Variants in VWC2L observed in about 807,000 individuals in gnomAD.
The protein encoded by VWC2L is von Willebrand factor C domain containing 2 like, also known as von Willebrand factor C domain-containing protein 2-like.
A neutral mutation model predicts 21.6 loss-of-function variants in VWC2L; 10 were observed. That is an observed-to-expected ratio of 0.46 (90% CI 0.29 to 0.78). VWC2L has a LOEUF of 0.78. Among genes scored for constraint, VWC2L ranks in the 30% least tolerant of loss-of-function variants. The pLI, the probability that VWC2L is intolerant of heterozygous loss-of-function variation, is 0.10. For synonymous variants in VWC2L, 96 were observed against 94.3 expected (o/e 1.02, Z -0.10); for missense variants, 209 against 277.1 (o/e 0.75, Z 1.74).
At chr2:214,572,503 G>A (rs1039090095) in intron 3 of VWC2L, among the ~76,000 whole-genome samples, 4 of 151,942 alleles carry the variant, frequency 2.6e-5, no homozygotes, top group South Asian at 4.2e-4. Flanking sequence ...CCCTTATTTC[G>A]ACCAAGACAA....
At chr2:214,570,250 A>T (rs1271997357) in intron 3 of VWC2L, among the ~76,000 whole-genome samples, 2 of 152,142 alleles carry the variant, frequency 1.3e-5, no homozygotes, top group African/African-American at 4.8e-5. Flanking sequence ...TATTTCTCAT[A>T]TTGTTCTTCC....
chr2:214,448,281 A>G (rs993506855), intron 3 of VWC2L, among the ~76,000 whole-genome samples: 1 of 152,220 alleles, frequency 6.6e-6, no homozygotes. Context: ...AAATGAATCC[A>G]CACACACCCA....
Position 214,470,916 on chromosome 2 carries a change from CAAAAAAAA to C in VWC2L, c.520+34178_520+34185del, listed in dbSNP as rs56041924. On this transcript the variant is annotated intron_variant, in intron 3 of 3. Transcript: ENST00000312504. ...TGGGCAACAGAGTGAAACTCCATCTCAAAAAAAAAAAAAAAAAAAAAAAAAAAGATAGG... is the reference window on the plus strand; with the variant it reads ...TGGGCAACAGAGTGAAACTCCATCTCAAAAAAAAAAAAAAAAAAAGATAGG... Among the ~76,000 whole-genome samples, 8 of 50,796 alleles carry C rather than the reference CAAAAAAAA, an allele frequency of 1.6e-4. No homozygotes were observed. In the East Asian group the frequency reaches 2.8e-3, roughly 18 times the overall value. The allele number at this position is 50,796 out of a possible 152,430, so 33.3% of individuals were successfully genotyped here. A position where few individuals can be genotyped will look rare whatever the true frequency, so the allele number is the denominator to read the frequency against.
At chr2:214,487,395 G>A (rs954134817) in intron 3 of VWC2L, among the ~76,000 whole-genome samples, 3 of 152,122 alleles carry the variant, frequency 2.0e-5, no homozygotes, top group Non-Finnish European at 2.9e-5. Context: ...CTACAGTGGT[G>A]AGCAAGACAT....
In VWC2L at chr2:214,521,691, G is replaced by T. The variant is rs139207686; in HGVS notation, c.521-53981G>T. Among the ~76,000 whole-genome samples the T allele has an allele frequency of 1.6e-3, 247 of 152,304 alleles. 1 individual carries two copies. The highest frequency in any genetic ancestry group is 5.8e-3 in the African/African-American group (239 of 41,560). The stretch of plus-strand genomic sequence containing the variant: ...TCACAATGACCAGGACTTGCCCAAA[G>T]GCAAGGGGTCACCAGCATCATTAAC... On this transcript the variant is annotated intron_variant, in intron 3 of 3. Coordinates refer to ENST00000312504, the MANE Select transcript of VWC2L (RefSeq NM_001080500.4).
chr2:214,464,800 A>C (rs1380998515), intron 3 of VWC2L, among the ~76,000 whole-genome samples: 1 of 152,018 alleles, frequency 6.6e-6, no homozygotes, highest in Non-Finnish European at 1.5e-5. Context: ...AAAACTTAGA[A>C]ATCTACTTGG....
chr2:214,503,249 A>G (rs1287704986), intron 3 of VWC2L, among the ~76,000 whole-genome samples: 3 of 152,202 alleles, frequency 2.0e-5, no homozygotes, highest in African/African-American at 7.2e-5. Flanking sequence ...TTTCTAAGTT[A>G]ACAAGTCCTC....
chr2:214,422,055 A>T (rs2126172468), intron 2 of VWC2L, among the ~76,000 whole-genome samples: 1 of 150,418 alleles, frequency 6.6e-6, no homozygotes, highest in East Asian at 2.0e-4. Flanking sequence ...ATGCCCGGCT[A>T]ATTTTTGTAT....
chr2:214,484,236 A>G (rs1168557474), intron 3 of VWC2L, among the ~76,000 whole-genome samples: 5 of 152,178 alleles, frequency 3.3e-5, no homozygotes, highest in African/African-American at 1.2e-4. Flanking sequence ...GTAAGGTCAC[A>G]TTTTGAGGTG....
At chr2:214,448,435 G>A (rs1452092007) in intron 3 of VWC2L, among the ~76,000 whole-genome samples, 3 of 152,166 alleles carry the variant, frequency 2.0e-5, no homozygotes, top group Non-Finnish European at 4.4e-5. Context: ...TGGTGGGAAG[G>A]AAGGTGCTTC....
intron 3 of VWC2L, among the ~76,000 whole-genome samples, chr2:214,546,850 T>C (rs1689714620): frequency 6.6e-6 from 1 of 152,082 alleles, no homozygotes; most frequent in African/African-American, 2.4e-5. Context: ...AACTCAAGTG[T>C]CACAGAGGAA....
chr2:214,552,511 C>T (rs1689809222), intron 3 of VWC2L, among the ~76,000 whole-genome samples: 1 of 152,202 alleles, frequency 6.6e-6, no homozygotes, highest in African/African-American at 2.4e-5. Flanking sequence ...GCTTCCCAAC[C>T]TTGGTCTATT....
chr2:214,476,960 C>T (rs985662252), intron 3 of VWC2L, among the ~76,000 whole-genome samples: 1 of 152,070 alleles, frequency 6.6e-6, no homozygotes, highest in Non-Finnish European at 1.5e-5. Flanking sequence ...TCTTAAGCAT[C>T]GGAGCCCCTT....
intron 3 of VWC2L, among the ~76,000 whole-genome samples, chr2:214,533,055 T>C (rs1689466568): frequency 1.3e-5 from 2 of 152,020 alleles, no homozygotes; most frequent in Non-Finnish European, 2.9e-5. Context: ...CCCAGGACAG[T>C]CTACAACCTC....
At chr2:214,460,355 ATATCTT>A (rs1283007796) in intron 3 of VWC2L, among the ~76,000 whole-genome samples, 3 of 152,168 alleles carry the variant, frequency 2.0e-5, no homozygotes, top group Admixed American at 6.6e-5. Context: ...CAGATTTACT[ATATCTT>A]TGCTTTCTCT....
At position 214,439,553 on chromosome 2, in the gene VWC2L, C is replaced by T. The variant is rs182492539; in HGVS notation, c.520+2795C>T. On this transcript the variant is annotated intron_variant, in intron 3 of 3. Coordinates refer to ENST00000312504, the MANE Select transcript of VWC2L (RefSeq NM_001080500.4). ...AAATCTTCATAAATGGTTATTTTGG[C>T]GGGCAAGTAATTTTCAGTTTGCATA... 2.0e-3 allele frequency among the ~76,000 whole-genome samples: 306 copies of T among 151,956 alleles called. 1 individual carries two copies. The highest frequency in any genetic ancestry group is 0.012 in the Admixed American group (186 of 15,264).
chr2:214,425,224 C>A (rs917345064), intron 2 of VWC2L, among the ~76,000 whole-genome samples: 1 of 152,192 alleles, frequency 6.6e-6, no homozygotes, highest in Non-Finnish European at 1.5e-5. Flanking sequence ...ACTGTGCTGT[C>A]ACCAAATCCT....
intron 3 of VWC2L, among the ~76,000 whole-genome samples, chr2:214,565,044 G>T (rs1256080628): frequency 6.6e-6 from 1 of 151,982 alleles, no homozygotes; most frequent in Non-Finnish European, 1.5e-5. Flanking sequence ...CCACTTATCT[G>T]CATAATCACT....
Position 214,522,374 on chromosome 2 carries a change from C to CAAAA in VWC2L, c.521-53279_521-53276dup, listed in dbSNP as rs5838440. Among the ~76,000 whole-genome samples the CAAAA allele has an allele frequency of 1.7e-3, 170 of 102,904 alleles. 3 individuals are homozygous for CAAAA. The highest frequency in any genetic ancestry group is 5.9e-3 in the African/African-American group (146 of 24,940). 67.5% of individuals were successfully genotyped at this position (102,904 alleles called of 152,430 possible). On this transcript the variant is annotated intron_variant, in intron 3 of 3. Coordinates refer to ENST00000312504, the MANE Select transcript of VWC2L (RefSeq NM_001080500.4). Reference sequence around the variant, plus strand: ...TGGGGGACAGAGCGAGACCCCGTCTCAAAAAAAAAAAAAAAAAAAAAATTG... The same window carrying CAAAA: ...TGGGGGACAGAGCGAGACCCCGTCTCAAAAAAAAAAAAAAAAAAAAAAAAAATTG...
Sources: allele counts gnomAD v4.1 joint callset (sites outside exome capture counted in the v4.1 genomes callset), GRCh38; gene constraint gnomAD v4.1.1; transcripts MANE v1.5; gene names NCBI Gene and HGNC (gene_info 2026-07-23, HGNC 2026-07-21).